The following GPC5 variants were observed in gnomAD, a reference collection of about 807,000 sequenced individuals.
The protein encoded by GPC5 is glypican-5.
GPC5 carries 47 observed loss-of-function variants against 53.9 expected under a neutral mutation model. The observed-to-expected ratio is 0.87, with a 90% confidence interval of 0.69 to 1.11. The LOEUF (loss-of-function observed/expected upper bound fraction) is 1.11. Among genes scored for constraint, GPC5 ranks in the 50% most tolerant of loss-of-function variants. The pLI is 0.00. For synonymous variants in GPC5, 286 were observed against 263.3 expected (o/e 1.09, Z -0.84); for missense variants, 748 against 713.1 (o/e 1.05, Z -0.56).
intron 7 of GPC5, among the ~76,000 whole-genome samples, chr13:92,684,267 TA>T (rs1464242075): frequency 6.6e-6 from 1 of 152,084 alleles, no homozygotes; most frequent in Admixed American, 6.6e-5. Context: ...TTTTATTTTT[TA>T]TTTTTTTTGT....
At chr13:91,411,587 G>A (rs908925887) in intron 1 of GPC5, among the ~76,000 whole-genome samples, 2 of 152,164 alleles carry the variant, frequency 1.3e-5, no homozygotes, top group Non-Finnish European at 2.9e-5. Context: ...GGTTGGTTAT[G>A]ACCCTTTACA....
At chr13:92,866,163 G>A (rs1594559968) in intron 7 of GPC5, 119 bp from the exon 8 acceptor site, 1 of 702,986 alleles carries the variant, frequency 1.4e-6, no homozygotes, top group Non-Finnish European at 2.2e-6. Flanking sequence ...AGAGTTAGGT[G>A]AACATAGAGA....
At chr13:91,657,932 T>C (rs776230973) in intron 2 of GPC5, among the ~76,000 whole-genome samples, 3 of 152,202 alleles carry the variant, frequency 2.0e-5, no homozygotes, top group Non-Finnish European at 4.4e-5. Flanking sequence ...TAAAAAGGAA[T>C]AGCAACATGA....
chr13:92,200,082 T>C (rs915228996), intron 7 of GPC5, among the ~76,000 whole-genome samples: 7 of 152,194 alleles, frequency 4.6e-5, no homozygotes, highest in Admixed American at 2.6e-4. Flanking sequence ...TTGGCCAAGC[T>C]TTGTTTTGAT....
intron 7 of GPC5, among the ~76,000 whole-genome samples, chr13:92,523,022 G>A (rs377275207): frequency 6.6e-5 from 10 of 152,222 alleles, no homozygotes; most frequent in South Asian, 4.1e-4. Flanking sequence ...TACAACATTC[G>A]TTGGAAAATG....
chr13:91,398,813 A>C lies in GPC5; in HGVS notation c.-234A>C. 1 of 452,612 alleles carries C rather than the reference A, an allele frequency of 2.2e-6. No homozygotes were observed. Among genetic ancestry groups the C allele is most frequent in the Non-Finnish European group, 3.9e-6 (1 of 258,506 alleles). The allele number at this position is 452,612 out of a possible 1,614,324, so 28.0% of individuals were successfully genotyped here. On this transcript the variant is annotated 5_prime_UTR_variant, in exon 1 of 8. Transcript: ENST00000377067. ...GCCGCCCACTCTTCTCGGCTAGGGA[A>C]GAAGACCAGAGGGTGCTCAGCTGGA...
chr13:92,180,766 G>A (rs574000021), intron 7 of GPC5: 15 of 203,680 alleles, frequency 7.4e-5, no homozygotes, highest in Middle Eastern at 4.0e-3. Context: ...TCATGACACC[G>A]TTCACCACTA....
rs552727712 is a variant in GPC5 at position 92,617,410 on chromosome 13, C to T, written c.1562-248872C>T. Among the ~76,000 whole-genome samples, 5 of 152,300 alleles carry T rather than the reference C, an allele frequency of 3.3e-5. No individual in the cohort carries two copies. In the South Asian group the frequency reaches 1.0e-3, roughly 32 times the overall value. On this transcript the variant is annotated intron_variant, in intron 7 of 7. Coordinates refer to ENST00000377067, the MANE Select transcript of GPC5 (RefSeq NM_004466.6). ...AACACCCACATTTTACTATAGATTT[C>T]TGCTCTACTAGCTATCAATCAGTTT... is the stretch of plus-strand genomic sequence containing the variant.
intron 7 of GPC5, among the ~76,000 whole-genome samples, chr13:92,445,472 C>G (rs371221112): frequency 8.9e-6 from 1 of 112,212 alleles, no homozygotes; most frequent in Non-Finnish European, 1.7e-5. Flanking sequence ...TCCCTCCCCC[C>G]ACCCCACAAC....
At chr13:92,084,266 T>A (rs1376651987) in intron 6 of GPC5, among the ~76,000 whole-genome samples, 1 of 152,224 alleles carries the variant, frequency 6.6e-6, no homozygotes, top group Non-Finnish European at 1.5e-5. Context: ...TGCACATGTA[T>A]CCCAGAACTT....
Position 92,488,895 on chromosome 13 carries a change from T to C in GPC5, c.1561+343906T>C, listed in dbSNP as rs542321596. On this transcript the variant is annotated intron_variant, in intron 7 of 7. Coordinates refer to ENST00000377067, the MANE Select transcript of GPC5 (RefSeq NM_004466.6). ...GCAATAGCATTTAAAGGCTTGACAA[T>C]AAAGGCAGTTACTAACAAATAAAAC... Among the ~76,000 whole-genome samples the C allele has an allele frequency of 4.6e-5, 7 of 152,286 alleles. No individual in the cohort carries two copies. In the South Asian group the frequency reaches 1.4e-3, roughly 32 times the overall value.
At chr13:92,356,972 G>A (rs545370601) in intron 7 of GPC5, among the ~76,000 whole-genome samples, 1 of 152,168 alleles carries the variant, frequency 6.6e-6, no homozygotes, top group African/African-American at 2.4e-5. Flanking sequence ...GTGGAATTTG[G>A]TTTTCTACTC....
chr13:92,860,539 A>G (rs2138854708), intron 7 of GPC5, among the ~76,000 whole-genome samples: 1 of 152,292 alleles, frequency 6.6e-6, no homozygotes. Context: ...TTCTTTAAAA[A>G]TGGGAAATAG....
chr13:91,741,215 GT>G (rs1042216961), intron 4 of GPC5, among the ~76,000 whole-genome samples: 1 of 152,028 alleles, frequency 6.6e-6, no homozygotes, highest in South Asian at 2.1e-4. Context: ...TAAATTTTGA[GT>G]TTTTTTCAAT....
chr13:92,573,015 G>A (rs1429701213), intron 7 of GPC5, among the ~76,000 whole-genome samples: 1 of 152,156 alleles, frequency 6.6e-6, no homozygotes, highest in Non-Finnish European at 1.5e-5. Flanking sequence ...TGGCTTTGAT[G>A]CGATCAATTT....
At position 91,722,309 on chromosome 13, in the gene GPC5, G is replaced by A. The variant is rs146266220; in HGVS notation, c.1021-6223G>A. On this transcript the variant is annotated intron_variant, in intron 3 of 7. Transcript: ENST00000377067. The stretch of plus-strand genomic sequence containing the variant: ...CTTATTTAACGACATTGGCCCTGCA[G>A]CCTCAGCCTGGTGGTTTTCCATAAA... Among the ~76,000 whole-genome samples, 226 of 152,292 alleles carry A rather than the reference G, an allele frequency of 1.5e-3. 3 individuals carry two copies. The East Asian group carries it at 0.028, about 19-fold the overall frequency.
chr13:91,904,140 C>CTTTTTTTTTTTTTTTT (rs57293387), intron 5 of GPC5, among the ~76,000 whole-genome samples: 6 of 94,662 alleles, frequency 6.3e-5, no homozygotes, highest in Non-Finnish European at 9.8e-5. Flanking sequence ...TCTTTTCTTT[C>CTTTTTTTTTTTTTTTT]TTTTTTTTTT....
intron 6 of GPC5, among the ~76,000 whole-genome samples, chr13:92,102,094 A>G (rs1381502533): frequency 6.6e-6 from 1 of 152,188 alleles, no homozygotes; most frequent in Non-Finnish European, 1.5e-5. Flanking sequence ...GATATCATAT[A>G]AATAGATGAA....
intron 7 of GPC5, among the ~76,000 whole-genome samples, chr13:92,191,692 T>C (rs2066721258): frequency 6.6e-6 from 1 of 152,136 alleles, no homozygotes; most frequent in African/African-American, 2.4e-5. Flanking sequence ...TTGTAAGAAG[T>C]AAGCTATCAA....
Sources: gnomAD v4.1 joint callset for allele counts (sites outside exome capture counted in the v4.1 genomes callset) on GRCh38, gnomAD v4.1.1 for gene constraint, MANE v1.5 for transcripts, NCBI Gene and HGNC (gene_info 2026-07-23, HGNC 2026-07-21) for gene names.